The following TUBB3 variants were observed in gnomAD, a reference collection of about 807,000 sequenced individuals.
The protein encoded by TUBB3 is tubulin beta 3 class III.
Under a neutral mutation model 37.8 loss-of-function variants are expected in TUBB3, and 17 were observed. The observed-to-expected ratio is 0.45, with a 90% CI of 0.31 to 0.67. The LOEUF is 0.67. Ranked by LOEUF, TUBB3 falls within the 30% of genes least tolerant of loss-of-function variation. The probability of loss-of-function intolerance (pLI) is 0.07; values close to 1 mark genes in which losing one functional copy is unlikely to be tolerated. For missense variants in TUBB3, 262 were observed against 657.9 expected, an observed-to-expected ratio of 0.40 and a Z score of 6.58; for synonymous variants, 332 against 278.9, an observed-to-expected ratio of 1.19 and a Z score of -1.90.
chr16:89,931,887 C>A (rs1283969462), intron 1 of TUBB3: 1 of 400,838 alleles, frequency 2.5e-6, no homozygotes, highest in Middle Eastern at 3.6e-4. Flanking sequence ...AGAGGACGAC[C>A]CCTGGGAGCT....
rs2030415830 is a variant in TUBB3 at position 89,935,272 on chromosome 16, C to T, written c.821C>T (p.Thr274Ile). Residue 274 changes from threonine (T) to isoleucine (I), a missense_variant, in exon 4 of 4, where the codon ACA (threonine) becomes ATA (isoleucine). By Grantham distance (89) the Thr-to-Ile change is moderately conservative. Around this residue, in one of 3 missense-constraint regions of TUBB3, gnomAD observed 165 missense variants for 556.8 expected, o/e 0.30. Coordinates refer to ENST00000315491, the MANE Select transcript of TUBB3 (RefSeq NM_006086.4). ...TTCATGCCCGGCTTCGCCCCCCTCA[C>T]AGCCCGGGGCAGCCAGCAGTACCGG... ...HFFMPGFAPL[T>I]ARGSQQYRAL... The T allele has an allele frequency of 6.2e-7, 1 of 1,613,688 alleles. No individual in the cohort carries two copies. Among genetic ancestry groups the T allele is most frequent in the Non-Finnish European group, 8.5e-7 (1 of 1,179,970 alleles).
chr16:89,929,909 C>T (rs2030219807), intron 1 of TUBB3, among the ~76,000 whole-genome samples: 1 of 151,800 alleles, frequency 6.6e-6, no homozygotes, highest in Admixed American at 6.6e-5. Flanking sequence ...CCATGTTGGC[C>T]AGGCTGGTCT....
intron 1 of TUBB3, among the ~76,000 whole-genome samples, chr16:89,926,129 C>T (rs1178465166): frequency 1.3e-5 from 2 of 152,196 alleles, no homozygotes; most frequent in Non-Finnish European, 2.9e-5. Context: ...AGAGCTGAAT[C>T]TGGACCCCCG....
chr16:89,924,940 C>G (rs894802243), intron 1 of TUBB3, among the ~76,000 whole-genome samples: 1 of 130,854 alleles, frequency 7.6e-6, no homozygotes, highest in African/African-American at 2.9e-5. Flanking sequence ...GGTCAGGGGT[C>G]GCTGGGGGGA....
intron 1 of TUBB3, among the ~76,000 whole-genome samples, chr16:89,929,275 G>A (rs2030198144): frequency 6.6e-6 from 1 of 152,070 alleles, no homozygotes; most frequent in South Asian, 2.1e-4. Flanking sequence ...AATCATTTTT[G>A]TAATTTAAAA....
chr16:89,932,724 A>G, intron 2 of TUBB3, 45 bp downstream of exon 2: 1 of 1,515,922 alleles, frequency 6.6e-7, no homozygotes. Context: ...TGGACTGACC[A>G]GGTCTCAGCG....
At chr16:89,928,801 G>T (rs994658232) in intron 1 of TUBB3, among the ~76,000 whole-genome samples, 2 of 151,972 alleles carry the variant, frequency 1.3e-5, no homozygotes, top group African/African-American at 2.4e-5. Flanking sequence ...TAGGACCACA[G>T]ACAGGCGTGA....
At position 89,935,794 on chromosome 16, in the gene TUBB3, G is replaced by A; in HGVS notation, c.1343G>A (p.Gly448Asp). The A allele has an allele frequency of 1.2e-6, 2 of 1,613,018 alleles. No homozygotes were observed. The highest frequency in any genetic ancestry group is 1.7e-6 in the Non-Finnish European group (2 of 1,179,512). The stretch of plus-strand genomic sequence containing the variant: ...GACGAGGAGGAGTCGGAGGCCCAGG[G>A]CCCCAAGTGAAGCTGCTCGCAGCTG... ...EDDEEESEAQ[G>D]PK Residue 448 changes from glycine (G) to aspartate (D), a missense_variant, in exon 4 of 4, where the codon GGC becomes GAC. By Grantham distance (94) the Gly-to-Asp change is moderately conservative. This residue lies in a region of TUBB3 where 39 missense variants were observed against 26.9 expected (regional missense o/e 1.45). Coordinates refer to ENST00000315491, the MANE Select transcript of TUBB3 (RefSeq NM_006086.4).
upstream of TUBB3, chr16:89,923,269 C>T: frequency 1.6e-6 from 1 of 625,700 alleles, no homozygotes; most frequent in Non-Finnish European, 2.2e-6. Context: ...CCCGATTGGC[C>T]ACCCGCGGTG....
rs542951687 is a variant in TUBB3, at chr16:89,932,000, G to A, written c.58-571G>A. ...TCTGCAGACCCAGCTGGGGGTCCCCGATGAGACTGGCTCTCAGAGTCCCTG... is the reference window on the plus strand; with the variant it reads ...TCTGCAGACCCAGCTGGGGGTCCCCAATGAGACTGGCTCTCAGAGTCCCTG... On this transcript the variant is annotated intron_variant, in intron 1 of 3. Transcript: ENST00000315491. The A allele has an allele frequency of 2.6e-5, 7 of 273,324 alleles. No individual in the cohort carries two copies. The East Asian group carries it at 2.6e-4, about 10-fold the overall frequency. 16.9% of individuals were successfully genotyped at this position (273,324 alleles called of 1,614,324 possible). A position where few individuals can be genotyped will look rare whatever the true frequency, so the allele number is the denominator to read the frequency against.
chr16:89,935,338 C>G lies in TUBB3; in HGVS notation c.887C>G (p.Ala296Gly). ...VPELTQQMFDAKNMMAACDPR... is the reference protein window; with the variant it reads ...VPELTQQMFDGKNMMAACDPR... ...GAGCTCACCCAGCAGATGTTCGATGCCAAGAACATGATGGCCGCCTGCGAC... is the reference window on the plus strand; with the variant it reads ...GAGCTCACCCAGCAGATGTTCGATGGCAAGAACATGATGGCCGCCTGCGAC... The change falls in exon 4 of 4, where the codon GCC becomes GGC. Residue 296 changes from alanine (A) to glycine (G), a missense_variant. Ala to Gly is a moderately conservative substitution (Grantham distance 60, BLOSUM62 0). This residue lies in a region of TUBB3 where 165 missense variants were observed against 556.8 expected (regional missense o/e 0.30). Transcript: ENST00000315491. 1 of 1,613,944 alleles carries G rather than the reference C, an allele frequency of 6.2e-7. No individual in the cohort carries two copies. The highest frequency in any genetic ancestry group is 8.5e-7 in the Non-Finnish European group (1 of 1,179,994).
At chr16:89,934,660 G>C in intron 3 of TUBB3, 69 bp from the exon 4 acceptor site, 1 of 1,502,850 alleles carries the variant, frequency 6.7e-7, no homozygotes, top group Admixed American at 1.8e-5. Flanking sequence ...GGGATGTTCA[G>C]GCAGGGGCTG....
In TUBB3 at chr16:89,923,440, C is replaced by T; in HGVS notation, c.39C>T (p.Gly13=). ...TGCACATCCAGGCCGGCCAGTGCGGCAACCAGATCGGGGCCAAGGTGAGGC... is the reference window on the plus strand; with the variant it reads ...TGCACATCCAGGCCGGCCAGTGCGGTAACCAGATCGGGGCCAAGGTGAGGC... The part of the protein sequence containing the change: ...EIVHIQAGQC[G]NQIGAKFWEV... The change falls in exon 1 of 4, where the codon GGC becomes GGT. Residue 13 remains glycine, a synonymous_variant. Transcript: ENST00000315491. 1.4e-5 allele frequency: 21 copies of T among 1,514,600 alleles called. No homozygotes were observed. The highest frequency in any genetic ancestry group is 1.9e-5 in the Non-Finnish European group (21 of 1,131,196). The allele number at this position is 1,514,600 out of a possible 1,614,324, so 93.8% of individuals were successfully genotyped here.
Position 89,935,769 on chromosome 16 carries a change from G to C in TUBB3, c.1318G>C (p.Asp440His), listed in dbSNP as rs781596774. 4 of 1,613,704 alleles carry C rather than the reference G, an allele frequency of 2.5e-6. No individual in the cohort carries two copies. The African/African-American group carries it at 5.3e-5, about 22-fold the overall frequency. ...AEEEGEMYED[D>H]EEESEAQGPK Reference sequence around the variant, plus strand: ...GGAAGAGGGCGAGATGTACGAAGACGACGAGGAGGAGTCGGAGGCCCAGGG... The same window carrying C: ...GGAAGAGGGCGAGATGTACGAAGACCACGAGGAGGAGTCGGAGGCCCAGGG... The change falls in exon 4 of 4, where the codon GAC becomes CAC. Residue 440 changes from aspartate to histidine, a missense_variant. Physicochemically the swap from Asp to His is moderately conservative, Grantham distance 81. This residue lies in a region of TUBB3 where 39 missense variants were observed against 26.9 expected (regional missense o/e 1.45). Transcript: ENST00000315491.
In TUBB3 at chr16:89,934,695, G is replaced by A. The variant is rs201856705; in HGVS notation, c.278-34G>A. On this transcript the variant is annotated intron_variant, in intron 3 of 3. Coordinates refer to ENST00000315491, the MANE Select transcript of TUBB3 (RefSeq NM_006086.4). ...GGAGGTCTGGACTGCAGAGTCCCTGGCCCCTGTCTCTTACCCCTCTTCTCC... is the reference window on the plus strand; with the variant it reads ...GGAGGTCTGGACTGCAGAGTCCCTGACCCCTGTCTCTTACCCCTCTTCTCC... The A allele has an allele frequency of 8.7e-5, 140 of 1,606,406 alleles. 1 individual carries two copies. The East Asian group carries it at 1.2e-3, about 13-fold the overall frequency.
intron 1 of TUBB3, among the ~76,000 whole-genome samples, chr16:89,930,697 C>T (rs1195428783): frequency 1.3e-5 from 2 of 152,092 alleles, no homozygotes; most frequent in Non-Finnish European, 1.5e-5. Context: ...CCGCACCTGG[C>T]CTCTATTTAT....
At chr16:89,928,145 C>A (rs2030150716) in intron 1 of TUBB3, among the ~76,000 whole-genome samples, 1 of 152,180 alleles carries the variant, frequency 6.6e-6, no homozygotes, top group South Asian at 2.1e-4. Flanking sequence ...ACCTCCACCC[C>A]CCTGGCTCAA....
rs2029974974 is a variant in TUBB3 at position 89,923,912 on chromosome 16, C to G, written c.57+454C>G. 2.0e-5 allele frequency among the ~76,000 whole-genome samples: 3 copies of G among 152,128 alleles called. No homozygotes were observed. In the South Asian group the frequency reaches 6.2e-4, roughly 32 times the overall value. On this transcript the variant is annotated intron_variant, in intron 1 of 3. Coordinates refer to ENST00000315491, the MANE Select transcript of TUBB3 (RefSeq NM_006086.4). ...CGGCCCGAACCCCCCACTGGAGTAG[C>G]CGAACGTCCCCCGAGAGGCTAGAGC...
chr16:89,936,022 T>C lies in TUBB3; in HGVS notation c.*218T>C. 1 of 628,404 alleles carries C rather than the reference T, an allele frequency of 1.6e-6. No individual in the cohort carries two copies. Among genetic ancestry groups the C allele is most frequent in the Non-Finnish European group, 2.8e-6 (1 of 363,470 alleles). 38.9% of individuals were successfully genotyped at this position (628,404 alleles called of 1,614,324 possible). A position where few individuals can be genotyped will look rare whatever the true frequency, so the allele number is the denominator to read the frequency against. ...TATTGCAGCTCCAGGCCTGACGTTT[T>C]ACGGTTTTGTTTTTTACTGGTTTGT... On this transcript the variant is annotated 3_prime_UTR_variant, in exon 4 of 4. Transcript: ENST00000315491.
Sources: gnomAD v4.1 joint callset for allele counts (sites outside exome capture counted in the v4.1 genomes callset) on GRCh38, gnomAD v4.1.1 for gene constraint, gnomAD v4.1.1 regional missense constraint, MANE v1.5 for transcripts, NCBI Gene and HGNC (gene_info 2026-07-23, HGNC 2026-07-21) for gene names.